Variants in NBEA observed in about 807,000 individuals in gnomAD.
NBEA encodes the protein lysosomal-trafficking regulator 2.
In NBEA, 44 loss-of-function variants were observed where a neutral mutation model predicts 343.4. The ratio of observed to expected loss-of-function variants is 0.13; its 90% CI spans 0.10 to 0.16. The LOEUF (loss-of-function observed/expected upper bound fraction) is 0.16. Among genes scored for constraint, NBEA ranks in the 10% least tolerant of loss-of-function variants. NBEA has a pLI of 1.00. For missense variants in NBEA, 2,555 were observed against 3,631.3 expected, an observed-to-expected ratio of 0.70 and a Z score of 7.62; for synonymous variants, 1,175 against 1,238.7, an observed-to-expected ratio of 0.95 and a Z score of 1.08.
intron 38 of NBEA, among the ~76,000 whole-genome samples, chr13:35,372,339 A>T (rs1320416425): frequency 6.6e-6 from 1 of 152,124 alleles, no homozygotes; most frequent in Non-Finnish European, 1.5e-5. Flanking sequence ...GGTAGTGGCA[A>T]ATTGGGTGGG....
intron 49 of NBEA, among the ~76,000 whole-genome samples, chr13:35,644,852 T>G (rs771286565): frequency 6.6e-6 from 1 of 152,122 alleles, no homozygotes; most frequent in Non-Finnish European, 1.5e-5. Context: ...TGAATAAAAT[T>G]TAGTTAAATA....
chr13:35,000,118 G>A (rs1241558263), intron 1 of NBEA, among the ~76,000 whole-genome samples: 1 of 152,038 alleles, frequency 6.6e-6, no homozygotes, highest in Non-Finnish European at 1.5e-5. Context: ...TAACATTTTA[G>A]AATAAGATAG....
rs1260095576 is a variant in NBEA, at chr13:35,050,373, A to G, written c.950A>G (p.Lys317Arg). ...GGAAAAGGTTTTCAGCATTGTGTGA[A>G]ATATGATTTTCAACCACGCAAGGTA... is the stretch of plus-strand genomic sequence containing the variant. ...SKGKGFQHCV[K>R]YDFQPRKWYM... Residue 317 changes from lysine (K) to arginine (R), a missense_variant, in exon 6 of 59, where the codon AAA becomes AGA. Lys to Arg is a conservative substitution (Grantham distance 26). Transcript: ENST00000379939. 1 of 1,608,660 alleles carries G rather than the reference A, an allele frequency of 6.2e-7. No individual in the cohort carries two copies. The highest frequency in any genetic ancestry group is 1.7e-5 in the Admixed American group (1 of 59,754).
intron 11 of NBEA, among the ~76,000 whole-genome samples, chr13:35,105,208 A>G (rs2065859391): frequency 6.6e-6 from 1 of 152,034 alleles, no homozygotes; most frequent in Non-Finnish European, 1.5e-5. Flanking sequence ...TATATACCCA[A>G]CTTCATTTTC....
intron 34 of NBEA, among the ~76,000 whole-genome samples, chr13:35,258,031 A>G (rs1326337337): frequency 6.6e-6 from 1 of 152,154 alleles, no homozygotes; most frequent in African/African-American, 2.4e-5. Flanking sequence ...AACTTTACAT[A>G]TAATACAAAT....
chr13:34,952,586 A>G (rs1428392359), intron 1 of NBEA, among the ~76,000 whole-genome samples: 1 of 152,200 alleles, frequency 6.6e-6, no homozygotes, highest in East Asian at 1.9e-4. Flanking sequence ...ACCACTGTAT[A>G]TACCATATTT....
chr13:35,144,526 A>G (rs1399308121), intron 18 of NBEA, among the ~76,000 whole-genome samples: 6 of 152,052 alleles, frequency 3.9e-5, no homozygotes, highest in Non-Finnish European at 8.8e-5. Flanking sequence ...TTCTGAAGCT[A>G]TTTCAACAGT....
chr13:35,048,705 T>G, intron 5 of NBEA, 21 bp downstream of exon 5: 1 of 1,213,670 alleles, frequency 8.2e-7, no homozygotes, highest in Non-Finnish European at 1.2e-6. Flanking sequence ...TGTTTAATTT[T>G]AGTACTTTTT....
chr13:35,581,368 GC>G (rs1194097780), intron 45 of NBEA, among the ~76,000 whole-genome samples: 1 of 151,950 alleles, frequency 6.6e-6, no homozygotes, highest in Non-Finnish European at 1.5e-5. Flanking sequence ...TTCTCTGATG[GC>G]CAGTGATGAT....
intron 41 of NBEA, among the ~76,000 whole-genome samples, chr13:35,500,237 T>C (rs1235217857): frequency 6.6e-6 from 1 of 152,124 alleles, no homozygotes; most frequent in East Asian, 1.9e-4. Context: ...AGGGTTGCTT[T>C]CCACTCGGAG....
chr13:35,056,707 G>T (rs1490214273), intron 7 of NBEA, among the ~76,000 whole-genome samples: 1 of 152,002 alleles, frequency 6.6e-6, no homozygotes, highest in Non-Finnish European at 1.5e-5. Context: ...GCAGAGGGAG[G>T]AAGAGGCAAA....
chr13:35,608,267 G>A (rs137976119), intron 48 of NBEA, among the ~76,000 whole-genome samples: 12 of 151,762 alleles, frequency 7.9e-5, no homozygotes, highest in African/African-American at 2.9e-4. Flanking sequence ...CTGTTAAATT[G>A]GCACTTTCAG....
At chr13:35,077,513 A>G (rs2064172673) in intron 10 of NBEA, among the ~76,000 whole-genome samples, 2 of 152,220 alleles carry the variant, frequency 1.3e-5, no homozygotes, top group South Asian at 2.1e-4. Context: ...TATTTCCCAC[A>G]TACAATCTAT....
At chr13:35,062,936 G>A (rs1243982109) in intron 8 of NBEA, among the ~76,000 whole-genome samples, 1 of 151,896 alleles carries the variant, frequency 6.6e-6, no homozygotes, top group Non-Finnish European at 1.5e-5. Context: ...ATTTTACAAT[G>A]CATCTTGATA....
intron 40 of NBEA, among the ~76,000 whole-genome samples, chr13:35,468,025 C>G (rs2075463152): frequency 1.3e-5 from 2 of 151,806 alleles, no homozygotes; most frequent in South Asian, 4.2e-4. Context: ...TGTAAAGAAG[C>G]TTAGCATTAC....
chr13:35,049,473 G>A (rs1026272132), intron 5 of NBEA, among the ~76,000 whole-genome samples: 5 of 151,802 alleles, frequency 3.3e-5, no homozygotes, highest in Admixed American at 3.3e-4. Context: ...CATATTTAAA[G>A]CTCTTTGTAT....
intron 41 of NBEA, chr13:35,475,185 G>A (rs747712618): frequency 6.2e-7 from 1 of 1,614,064 alleles, no homozygotes; most frequent in Non-Finnish European, 8.5e-7. Context: ...GTAGAAAGTA[G>A]TGGGGACACC....
At chr13:35,211,997 G>T (rs75155714) in intron 33 of NBEA, among the ~76,000 whole-genome samples, 1 of 75,852 alleles carries the variant, frequency 1.3e-5, no homozygotes, top group African/African-American at 5.0e-5. Flanking sequence ...TTGTGTATAC[G>T]TGTACACACA....
intron 1 of NBEA, among the ~76,000 whole-genome samples, chr13:35,000,613 C>CACAG (rs1555271794): frequency 6.7e-6 from 1 of 150,362 alleles, no homozygotes. Flanking sequence ...CACACACACA[C>CACAG]GTTTTAAAAG....
Sources: allele counts gnomAD v4.1 joint callset (sites outside exome capture counted in the v4.1 genomes callset), GRCh38; gene constraint gnomAD v4.1.1; transcripts MANE v1.5; gene names NCBI Gene and HGNC (gene_info 2026-07-23, HGNC 2026-07-21).